TSPAN18: variants seen among roughly 807,000 people sequenced by gnomAD.
TSPAN18 encodes tetraspanin-18.
In TSPAN18, 14 loss-of-function variants were observed where a neutral mutation model predicts 27.3. That is an observed-to-expected ratio of 0.51 (90% confidence interval 0.34 to 0.80). The LOEUF (loss-of-function observed/expected upper bound fraction) is 0.80, where lower values mean the gene tolerates loss of function less well. Ranked by LOEUF, TSPAN18 falls within the 30% of genes least tolerant of loss-of-function variation. The pLI, the probability that TSPAN18 is intolerant of heterozygous loss-of-function variation, is 0.01. For missense variants in TSPAN18, 268 were observed against 323.9 expected (o/e 0.83, Z 1.32); for synonymous variants, 143 against 136.5 (o/e 1.05, Z -0.33).
intron 2 of TSPAN18, among the ~76,000 whole-genome samples, chr11:44,776,716 G>C (rs957170350): frequency 1.3e-5 from 2 of 151,214 alleles, no homozygotes; most frequent in Non-Finnish European, 2.9e-5. Context: ...TCAGTTCCCC[G>C]TCTATAAAGT....
intron 3 of TSPAN18, among the ~76,000 whole-genome samples, chr11:44,865,307 A>G (rs1041622437): frequency 4.6e-5 from 7 of 152,152 alleles, no homozygotes; most frequent in African/African-American, 1.4e-4. Flanking sequence ...TGGTAGCACT[A>G]ATGGCATCAT....
intron 2 of TSPAN18, among the ~76,000 whole-genome samples, chr11:44,801,206 T>A (rs1419760093): frequency 6.6e-6 from 1 of 152,220 alleles, no homozygotes; most frequent in African/African-American, 2.4e-5. Context: ...ATTATAGTAT[T>A]CTCTCTGTGT....
At chr11:44,752,315 T>C (rs1855229386) in intron 1 of TSPAN18, among the ~76,000 whole-genome samples, 1 of 152,256 alleles carries the variant, frequency 6.6e-6, no homozygotes, top group Admixed American at 6.5e-5. Flanking sequence ...TCTTTGTTTC[T>C]GCCTTCTTTA....
intron 2 of TSPAN18, among the ~76,000 whole-genome samples, chr11:44,834,477 A>G (rs1211980227): frequency 6.6e-6 from 1 of 151,434 alleles, no homozygotes; most frequent in African/African-American, 2.4e-5. Context: ...TGATGAATCT[A>G]TTTTTTTTTC....
At chr11:44,812,579 A>G (rs532325607) in intron 2 of TSPAN18, among the ~76,000 whole-genome samples, 1 of 152,262 alleles carries the variant, frequency 6.6e-6, no homozygotes, top group Non-Finnish European at 1.5e-5. Context: ...ATGGGGGCCC[A>G]TCTTCACAGA....
chr11:44,880,364 G>T (rs575223335), intron 3 of TSPAN18, among the ~76,000 whole-genome samples: 63 of 152,062 alleles, frequency 4.1e-4, no homozygotes, highest in Non-Finnish European at 8.1e-4. Flanking sequence ...TGCTCTGTTA[G>T]CCTCTCCCAA....
chr11:44,818,065 A>G (rs2135114425), intron 2 of TSPAN18, among the ~76,000 whole-genome samples: 1 of 152,262 alleles, frequency 6.6e-6, no homozygotes, highest in East Asian at 1.9e-4. Flanking sequence ...ATTTTTTTCC[A>G]TGTTGATTGC....
chr11:44,776,047 T>TG (rs926252614), intron 2 of TSPAN18, among the ~76,000 whole-genome samples: 6 of 152,250 alleles, frequency 3.9e-5, no homozygotes, highest in African/African-American at 1.2e-4. Flanking sequence ...ATCTCTCTGC[T>TG]GGCAGAGGAT....
chr11:44,928,313 T>A (rs1240025412), intron 9 of TSPAN18, among the ~76,000 whole-genome samples: 1 of 152,200 alleles, frequency 6.6e-6, no homozygotes, highest in African/African-American at 2.4e-5. Context: ...AGAGGCACAT[T>A]ACATCATTAG....
chr11:44,868,981 C>G (rs533194435), intron 3 of TSPAN18, among the ~76,000 whole-genome samples: 2 of 152,260 alleles, frequency 1.3e-5, no homozygotes, highest in African/African-American at 4.8e-5. Flanking sequence ...CCCACAATCA[C>G]TGCTGATTTG....
chr11:44,811,414 A>G (rs1392092381), intron 2 of TSPAN18, among the ~76,000 whole-genome samples: 1 of 152,104 alleles, frequency 6.6e-6, no homozygotes, highest in African/African-American at 2.4e-5. Flanking sequence ...AAGCACAATT[A>G]ATCTCCTAGT....
chr11:44,921,530 C>T (rs553602230), intron 8 of TSPAN18, among the ~76,000 whole-genome samples: 432 of 152,286 alleles, frequency 2.8e-3, no homozygotes, highest in Non-Finnish European at 4.6e-3. Context: ...ATTTGTGCAA[C>T]TTGAGTCACA....
At chr11:44,919,772 GTCC>G (rs1175597745) in intron 7 of TSPAN18, 42 bp from the exon 8 acceptor site, 40 of 1,596,848 alleles carry the variant, frequency 2.5e-5, no homozygotes, top group Non-Finnish European at 3.2e-5. Flanking sequence ...CCGCCCCTGT[GTCC>G]TCCTCCTGCC....
At chr11:44,920,102 A>G in intron 8 of TSPAN18, 103 bp downstream of exon 8, 2 of 1,176,420 alleles carry the variant, frequency 1.7e-6, no homozygotes, top group Non-Finnish European at 2.3e-6. Flanking sequence ...AAGCTACCCC[A>G]GGAATCCCAG....
intron 2 of TSPAN18, among the ~76,000 whole-genome samples, chr11:44,810,634 C>T (rs1434207604): frequency 1.4e-5 from 2 of 147,174 alleles, no homozygotes; most frequent in African/African-American, 5.0e-5. Context: ...CAGGGTCTCA[C>T]TGTGCCACCC....
chr11:44,820,016 G>C (rs1310240035), intron 2 of TSPAN18, among the ~76,000 whole-genome samples: 2 of 152,098 alleles, frequency 1.3e-5, no homozygotes, highest in Non-Finnish European at 2.9e-5. Flanking sequence ...GGCCAAGGAG[G>C]GTTGCTGTCA....
intron 8 of TSPAN18, among the ~76,000 whole-genome samples, chr11:44,923,040 C>T (rs1220220756): frequency 6.6e-6 from 1 of 152,064 alleles, no homozygotes; most frequent in African/African-American, 2.4e-5. Flanking sequence ...ACCCGGGAGG[C>T]GGAGGTTGCG....
chr11:44,823,709 C>T (rs906498116), intron 2 of TSPAN18, among the ~76,000 whole-genome samples: 9 of 152,004 alleles, frequency 5.9e-5, no homozygotes, highest in East Asian at 5.8e-4. Flanking sequence ...GAGGTTTCAC[C>T]GGGGACCTGC....
At chr11:44,856,432 C>G (rs372560265) in intron 2 of TSPAN18, among the ~76,000 whole-genome samples, 84 of 152,310 alleles carry the variant, frequency 5.5e-4, no homozygotes, top group African/African-American at 2.0e-3. Context: ...GCCCTGGTCT[C>G]TCTGCCTATA....
Sources: gnomAD v4.1 joint callset for allele counts (sites outside exome capture counted in the v4.1 genomes callset) on GRCh38, gnomAD v4.1.1 for gene constraint, MANE v1.5 for transcripts, NCBI Gene and HGNC (gene_info 2026-07-23, HGNC 2026-07-21) for gene names.